GCN1: variants seen among roughly 807,000 people sequenced by gnomAD.
The protein encoded by GCN1 is GCN1 activator of EIF2AK4.
A neutral mutation model predicts 288.4 loss-of-function variants in GCN1; 90 were observed. That is an observed-to-expected ratio of 0.31 (90% CI 0.26 to 0.37). The LOEUF (loss-of-function observed/expected upper bound fraction) is 0.37, where lower values mean the gene tolerates loss of function less well. Among genes scored for constraint, GCN1 ranks in the 10% least tolerant of loss-of-function variants. The pLI, the probability that GCN1 is intolerant of heterozygous loss-of-function variation, is 1.00. For synonymous variants in GCN1, 1,386 were observed against 1,420.2 expected (o/e 0.98, Z 0.54); for missense variants, 2,586 against 3,419.9 (o/e 0.76, Z 6.08).
chr12:120,136,752 T>G lies in GCN1; in HGVS notation c.6778-20A>C, dbSNP rs772015009. The G allele has an allele frequency of 2.5e-6, 4 of 1,587,548 alleles. No homozygotes were observed. Among genetic ancestry groups the G allele is most frequent in the Middle Eastern group, 1.7e-4 (1 of 6,030 alleles). On this transcript the variant is annotated intron_variant, in intron 50 of 57. Transcript: ENST00000300648. ...CACTCCCTGACAAGAGAACCACAAC[T>G]GAGAGTCAAATCTCAAACACCCTGG...
intron 5 of GCN1, 74 bp from the exon 6 acceptor site, chr12:120,179,024 A>G: frequency 8.0e-7 from 1 of 1,245,678 alleles, no homozygotes; most frequent in Non-Finnish European, 1.1e-6. Context: ...ATAGCCTGTA[A>G]AGACCTCCAT....
chr12:120,134,483 G>A lies in GCN1; in HGVS notation c.7202+50C>T. The A allele has an allele frequency of 6.3e-7, 1 of 1,599,564 alleles. No individual in the cohort carries two copies. Among genetic ancestry groups the A allele is most frequent in the Non-Finnish European group, 8.6e-7 (1 of 1,167,494 alleles). On this transcript the variant is annotated intron_variant, in intron 52 of 57. Coordinates refer to ENST00000300648, the MANE Select transcript of GCN1 (RefSeq NM_006836.2). This position sits in a 1 kb window ranked among gnomAD's most constrained non-coding sequence, Gnocchi z 5.0. ...CCTGCCAGCGCAGGCTCGGCCCACA[G>A]CAACCCCTGGCCTCCTGGAGGCCAC...
intron 31 of GCN1, 65 bp downstream of exon 31, chr12:120,154,905 C>G: frequency 7.0e-7 from 1 of 1,434,036 alleles, no homozygotes; most frequent in Non-Finnish European, 9.8e-7. Context: ...CTCACAGCAC[C>G]CACCCAGCCA....
In GCN1 at chr12:120,137,107, GC is replaced by G; in HGVS notation, c.6777+98del. The G allele has an allele frequency of 1.2e-6, 1 of 832,588 alleles. No individual in the cohort carries two copies. The highest frequency in any genetic ancestry group is 2.4e-5 in the East Asian group (1 of 41,042). The allele number at this position is 832,588 out of a possible 1,614,324, so 51.6% of individuals were successfully genotyped here. A position where few individuals can be genotyped will look rare whatever the true frequency, so the allele number is the denominator to read the frequency against. On this transcript the variant is annotated intron_variant, in intron 50 of 57. Transcript: ENST00000300648. The surrounding 1 kb of genome is among the most constrained non-coding windows in gnomAD (Gnocchi z 5.2). ...CTGAACACCAACCACCACGGCTACT[GC>G]TCCAGCAGCCCCTACCGCAGACCTG... is the stretch of plus-strand genomic sequence containing the variant.
rs773227382 is a variant in GCN1 at position 120,164,477 on chromosome 12, C to T, written c.1707G>A (p.Leu569=). ...GNKVQQYHRA[L]VAVLLSRTWH... ...AGGTGCGGCTCAGGAGCACCGCCAC[C>T]AGAGCCCGGTGGTACTGCCTGCAAG... is the stretch of plus-strand genomic sequence containing the variant. Residue 569 remains leucine, a synonymous_variant, in exon 18 of 58, where the codon CTG becomes CTA. Coordinates refer to ENST00000300648, the MANE Select transcript of GCN1 (RefSeq NM_006836.2). 3.1e-6 allele frequency: 5 copies of T among 1,613,946 alleles called. No individual in the cohort carries two copies. Among genetic ancestry groups the T allele is most frequent in the Non-Finnish European group, 4.2e-6 (5 of 1,180,006 alleles).
chr12:120,171,130 G>A (rs1449866995), intron 14 of GCN1, among the ~76,000 whole-genome samples: 4 of 117,760 alleles, frequency 3.4e-5, no homozygotes, highest in African/African-American at 1.4e-4. Flanking sequence ...GACAGAACGA[G>A]ACCCCATCTC....
chr12:120,148,268 T>C lies in GCN1; in HGVS notation c.4625A>G (p.Lys1542Arg), dbSNP rs1182289450. The C allele has an allele frequency of 1.2e-6, 2 of 1,614,060 alleles. No homozygotes were observed. Among genetic ancestry groups the C allele is most frequent in the Admixed American group, 1.7e-5 (1 of 60,014 alleles). ...LSSCLPNIVP[K>R]LTEVLTDSHV... ...GGAGTCGGTCAGCACCTCCGTAAGC[T>C]TGGGCACAATGTTGGGTAGACAGGA... is the stretch of plus-strand genomic sequence containing the variant. Residue 1542 changes from lysine to arginine, a missense_variant, in exon 37 of 58, where the codon AAG becomes AGG. Around this residue, in one of 8 missense-constraint regions of GCN1, gnomAD observed 371 missense variants for 572.6 expected, o/e 0.65. Coordinates refer to ENST00000300648, the MANE Select transcript of GCN1 (RefSeq NM_006836.2).
At chr12:120,179,194 C>A (rs1566318140) in intron 5 of GCN1, among the ~76,000 whole-genome samples, 1 of 152,074 alleles carries the variant, frequency 6.6e-6, no homozygotes, top group Non-Finnish European at 1.5e-5. Context: ...TATTATGAAT[C>A]AGACAATGAA....
At chr12:120,188,626 G>A (rs1159283380) in intron 2 of GCN1, among the ~76,000 whole-genome samples, 1 of 151,956 alleles carries the variant, frequency 6.6e-6, no homozygotes, top group Non-Finnish European at 1.5e-5. Flanking sequence ...ACTTTGGGAG[G>A]ATCACAAGGT....
rs201676011 is a variant in GCN1 at position 120,174,155 on chromosome 12, T to C, written c.1108A>G (p.Ser370Gly). 2.9e-4 allele frequency: 456 copies of C among 1,592,602 alleles called. No individual in the cohort carries two copies. The highest frequency in any genetic ancestry group is 3.8e-4 in the Non-Finnish European group (446 of 1,160,522). Residue 370 changes from serine (S) to glycine (G), a missense_variant, in exon 13 of 58, where the codon AGT becomes GGT. Ser to Gly is a moderately conservative substitution (Grantham distance 56, BLOSUM62 0). Transcript: ENST00000300648. ...GAAGGTCCAGACACCACGTGATGAC[T>C]GACGCTCCCAATCCCTAAAAGGCAG... The part of the protein sequence containing the change: ...MSVLSGIGSV[S>G]HHVVSGPSSQ...
chr12:120,170,071 G>T, intron 15 of GCN1, 98 bp downstream of exon 15: 1 of 1,094,892 alleles, frequency 9.1e-7, no homozygotes. Flanking sequence ...ATCCAGTGTG[G>T]TCAGGACCAA....
In GCN1 at chr12:120,159,956, A is replaced by G. The variant is rs1399806533; in HGVS notation, c.2618T>C (p.Leu873Pro). ...GACCAAAACAGGGATGTACTGGGTC[A>G]GGCCGGACGGGTTCTTGGCCAGGAT... ...DIILAKNPSG[L>P]TQYIPVLVDS... The change falls in exon 24 of 58, where the codon CTG becomes CCG. Residue 873 changes from leucine (L) to proline (P), a missense_variant. Physicochemically the swap from Leu to Pro is moderately conservative, Grantham distance 98. Around this residue, in one of 8 missense-constraint regions of GCN1, gnomAD observed 913 missense variants for 1,107.0 expected, o/e 0.82. Coordinates refer to ENST00000300648, the MANE Select transcript of GCN1 (RefSeq NM_006836.2). 6.2e-7 allele frequency: 1 copy of G among 1,614,068 alleles called. No homozygotes were observed. Among genetic ancestry groups the G allele is most frequent in the Non-Finnish European group, 8.5e-7 (1 of 1,179,990 alleles).
Position 120,183,674 on chromosome 12 carries a change from C to T in GCN1, c.321G>A (p.Lys107=), listed in dbSNP as rs777538664. 6.9e-6 allele frequency: 11 copies of T among 1,597,286 alleles called. No homozygotes were observed. The South Asian group carries it at 9.9e-5, about 14-fold the overall frequency. ...GIGSKAGVPS[K]SSGSAALLAL... is the part of the protein sequence containing the mutation. ...CCAGCAAGGCGGCAGAGCCACTGCT[C>T]TTACTGCAGAGCAGAGTTGGGGATG... Residue 107 remains lysine (K), a synonymous_variant, in exon 5 of 58, where the codon AAG becomes AAA. Coordinates refer to ENST00000300648, the MANE Select transcript of GCN1 (RefSeq NM_006836.2).
chr12:120,140,764 C>A (rs1877162498), intron 45 of GCN1, 95 bp downstream of exon 45: 1 of 1,212,052 alleles, frequency 8.3e-7, no homozygotes, highest in Non-Finnish European at 1.2e-6. Flanking sequence ...CAGCACAAAC[C>A]CCCTAGAGGT....
intron 54 of GCN1, 74 bp from the exon 55 acceptor site, chr12:120,131,407 C>G: frequency 1.4e-6 from 2 of 1,443,726 alleles, no homozygotes; most frequent in Non-Finnish European, 1.9e-6. Context: ...GCCCATGGGC[C>G]CACCCCGCTG....
chr12:120,148,504 G>A (rs759151140), intron 36 of GCN1, among the ~76,000 whole-genome samples, 158 bp from the exon 37 acceptor site: 2 of 152,164 alleles, frequency 1.3e-5, no homozygotes, highest in Non-Finnish European at 2.9e-5. Flanking sequence ...CTCTAGCAGA[G>A]GGGTCGAAAA....
intron 22 of GCN1, among the ~76,000 whole-genome samples, chr12:120,160,545 A>G (rs933145419): frequency 2.0e-5 from 3 of 152,232 alleles, no homozygotes; most frequent in Admixed American, 1.3e-4. Flanking sequence ...AATGTACTCA[A>G]AAGGGTATTC....
At position 120,166,068 on chromosome 12, in the gene GCN1, G is replaced by A. The variant is rs1485620485; in HGVS notation, c.1613-1347C>T. Among the ~76,000 whole-genome samples the A allele has an allele frequency of 5.3e-5, 8 of 151,500 alleles. No individual in the cohort carries two copies. In the East Asian group the frequency reaches 5.9e-4, roughly 11 times the overall value. The stretch of plus-strand genomic sequence containing the variant: ...CTCCCAAAGTGCTGGGATTACAGGC[G>A]TGAGCCACCGTGTCCGGCCCCAGCC... On this transcript the variant is annotated intron_variant, in intron 16 of 57. Transcript: ENST00000300648.
chr12:120,156,945 A>C lies in GCN1; in HGVS notation c.3135T>G (p.Thr1045=). ...GAGGCGAGCCCGTCCCGATCACCCA[A>C]GTCAGAAGACGCAGCATGGCCACGC... ...LPRVAMLRLL[T]WVIGTGSPRL... The change falls in exon 27 of 58, where the codon ACT becomes ACG. Residue 1045 remains threonine, a synonymous_variant. Coordinates refer to ENST00000300648, the MANE Select transcript of GCN1 (RefSeq NM_006836.2). The surrounding 1 kb of genome is among the most constrained non-coding windows in gnomAD (Gnocchi z 5.8). 6.2e-7 allele frequency: 1 copy of C among 1,613,360 alleles called. No individual in the cohort carries two copies. The highest frequency in any genetic ancestry group is 1.1e-5 in the South Asian group (1 of 91,074).
Sources: gnomAD v4.1 joint callset for allele counts (sites outside exome capture counted in the v4.1 genomes callset) on GRCh38, gnomAD v4.1.1 for gene constraint, gnomAD v4.1.1 regional missense constraint, Gnocchi (gnomAD v3.1) non-coding constraint, MANE v1.5 for transcripts, NCBI Gene and HGNC (gene_info 2026-07-23, HGNC 2026-07-21) for gene names.